Variants in SLC24A3 observed in about 807,000 individuals in gnomAD.
SLC24A3 encodes the protein sodium/potassium/calcium exchanger 3.
SLC24A3 carries 28 observed loss-of-function variants against 75.8 expected under a neutral mutation model. The ratio of observed to expected loss-of-function variants is 0.37; its 90% confidence interval spans 0.27 to 0.51. The LOEUF (loss-of-function observed/expected upper bound fraction) is 0.51, where lower values mean the gene tolerates loss of function less well. SLC24A3 is among the 20% of genes least tolerant of loss of function. The pLI is 0.94. For missense variants in SLC24A3, 663 were observed against 847.8 expected (o/e 0.78, Z 2.71); for synonymous variants, 372 against 334.1 (o/e 1.11, Z -1.24).
chr20:19,304,733 G>T (rs546260459), intron 2 of SLC24A3, among the ~76,000 whole-genome samples: 1 of 152,236 alleles, frequency 6.6e-6, no homozygotes, highest in Middle Eastern at 3.4e-3. Context: ...GGGGAAAAAA[G>T]CATGCAAGAA....
intron 1 of SLC24A3, among the ~76,000 whole-genome samples, chr20:19,250,406 T>G (rs1185306948): frequency 6.6e-6 from 1 of 152,228 alleles, no homozygotes; most frequent in Non-Finnish European, 1.5e-5. Flanking sequence ...AATCAGCTAA[T>G]GGACACAGTC....
chr20:19,476,123 C>T (rs563254573), intron 2 of SLC24A3, among the ~76,000 whole-genome samples: 20 of 152,190 alleles, frequency 1.3e-4, no homozygotes, highest in Non-Finnish European at 2.4e-4. Context: ...ACTCCCAGGC[C>T]GGAGAGCTAG....
chr20:19,366,946 C>CCAAGT (rs1157265819), intron 2 of SLC24A3, among the ~76,000 whole-genome samples: 9 of 152,106 alleles, frequency 5.9e-5, no homozygotes, highest in African/African-American at 2.2e-4. Flanking sequence ...TGGCTCAACC[C>CCAAGT]CAAGTGCTCT....
At chr20:19,442,425 T>C (rs1402254465) in intron 2 of SLC24A3, among the ~76,000 whole-genome samples, 1 of 152,222 alleles carries the variant, frequency 6.6e-6, no homozygotes, top group Non-Finnish European at 1.5e-5. Flanking sequence ...TAGTTGTATC[T>C]CATTGTTCTT....
intron 1 of SLC24A3, among the ~76,000 whole-genome samples, chr20:19,215,646 C>A (rs1981533511): frequency 6.6e-6 from 1 of 152,078 alleles, no homozygotes; most frequent in Non-Finnish European, 1.5e-5. Flanking sequence ...CCCTTCCTTT[C>A]TCTCTTCTTT....
intron 6 of SLC24A3, among the ~76,000 whole-genome samples, chr20:19,640,701 G>C (rs929296037): frequency 2.6e-4 from 39 of 152,322 alleles, no homozygotes; most frequent in African/African-American, 9.4e-4. Context: ...AGTGAGCCGA[G>C]ATCATGCCAC....
At position 19,470,966 on chromosome 20, in the gene SLC24A3, C is replaced by G. The variant is rs140807556; in HGVS notation, c.272-44522C>G. ...ATAGATTTCTCCTAAAAGAAGGCAT[C>G]AGGAGGGCCTCAGAGGGAGACGGCA... On this transcript the variant is annotated intron_variant, in intron 2 of 16. Transcript: ENST00000328041. Among the ~76,000 whole-genome samples, 289 of 152,274 alleles carry G rather than the reference C, an allele frequency of 1.9e-3. 1 individual carries two copies. The highest frequency in any genetic ancestry group is 3.3e-3 in the Non-Finnish European group (222 of 68,020).
At chr20:19,714,141 G>C (rs2033018468) in intron 15 of SLC24A3, among the ~76,000 whole-genome samples, 2 of 152,174 alleles carry the variant, frequency 1.3e-5, no homozygotes, top group Admixed American at 6.5e-5. Context: ...CGTGGCTCAT[G>C]CTTGTAATTC....
intron 2 of SLC24A3, among the ~76,000 whole-genome samples, chr20:19,377,354 G>A (rs1986101961): frequency 1.3e-5 from 2 of 152,154 alleles, no homozygotes; most frequent in African/African-American, 4.8e-5. Context: ...ATGGAATAGA[G>A]CACAGTAATC....
chr20:19,663,471 T>C (rs1167749497), intron 7 of SLC24A3, among the ~76,000 whole-genome samples: 2 of 122,674 alleles, frequency 1.6e-5, no homozygotes, highest in Admixed American at 1.7e-4. Context: ...CTCCTCCTCC[T>C]CCTCCGCCTT....
chr20:19,266,357 G>A (rs1983166471), intron 1 of SLC24A3, among the ~76,000 whole-genome samples: 1 of 152,164 alleles, frequency 6.6e-6, no homozygotes, highest in Admixed American at 6.5e-5. Context: ...TACTTTTGAA[G>A]AAAGGTGTTC....
intron 6 of SLC24A3, among the ~76,000 whole-genome samples, chr20:19,637,646 T>C (rs984590139): frequency 6.6e-6 from 1 of 152,216 alleles, no homozygotes; most frequent in Non-Finnish European, 1.5e-5. Flanking sequence ...AATCCTTAGA[T>C]AAGGCATAGA....
intron 2 of SLC24A3, among the ~76,000 whole-genome samples, chr20:19,396,092 A>G (rs1403926541): frequency 6.6e-6 from 1 of 152,170 alleles, no homozygotes; most frequent in Non-Finnish European, 1.5e-5. Context: ...AAAGATGACC[A>G]TTTATGGCTC....
chr20:19,512,953 T>G (rs1439001745), intron 2 of SLC24A3, among the ~76,000 whole-genome samples: 1 of 152,214 alleles, frequency 6.6e-6, no homozygotes, highest in Non-Finnish European at 1.5e-5. Context: ...CTGGCTTGTT[T>G]CCCATGGGTG....
rs58371474 is a variant in SLC24A3, at chr20:19,665,792, CGTGTGTGTGTGTGTGT to C, written c.688-47_688-32del. The C allele has an allele frequency of 3.6e-4, 438 of 1,203,292 alleles. 5 individuals carry two copies. The South Asian group carries it at 6.2e-3, about 17-fold the overall frequency. The allele number at this position is 1,203,292 out of a possible 1,614,324, so 74.5% of individuals were successfully genotyped here. A position where few individuals can be genotyped will look rare whatever the true frequency, so the allele number is the denominator to read the frequency against. ...GTGGATACTGCGTGCAGCCTTAAAG[CGTGTGTGTGTGTGTGT>C]GTGTGTGTGTGTGTGTGTGTGTGTC... On this transcript the variant is annotated intron_variant, in intron 7 of 16. Coordinates refer to ENST00000328041, the MANE Select transcript of SLC24A3 (RefSeq NM_020689.4).
At chr20:19,296,078 A>G (rs933077996) in intron 2 of SLC24A3, among the ~76,000 whole-genome samples, 9 of 152,074 alleles carry the variant, frequency 5.9e-5, no homozygotes, top group African/African-American at 1.9e-4. Context: ...TTCCCGGTTC[A>G]ATCTTGGGAT....
chr20:19,283,456 A>C (rs894953919), intron 2 of SLC24A3, among the ~76,000 whole-genome samples: 1 of 152,234 alleles, frequency 6.6e-6, no homozygotes, highest in Non-Finnish European at 1.5e-5. Flanking sequence ...CTACATGTCA[A>C]ATACTCGATA....
chr20:19,543,115 G>C (rs535272792), intron 3 of SLC24A3, among the ~76,000 whole-genome samples: 11 of 152,170 alleles, frequency 7.2e-5, no homozygotes, highest in Non-Finnish European at 1.3e-4. Flanking sequence ...AATGAGCCAG[G>C]GAGGTTCATC....
chr20:19,359,581 C>T (rs1234526230), intron 2 of SLC24A3, among the ~76,000 whole-genome samples: 1 of 152,144 alleles, frequency 6.6e-6, no homozygotes, highest in African/African-American at 2.4e-5. Context: ...GAGGCACCTC[C>T]ATAGATTTCT....
Sources: allele counts gnomAD v4.1 joint callset (sites outside exome capture counted in the v4.1 genomes callset), GRCh38; gene constraint gnomAD v4.1.1; transcripts MANE v1.5; gene names NCBI Gene and HGNC (gene_info 2026-07-23, HGNC 2026-07-21).